Variants in TTLL5 observed in about 807,000 individuals in gnomAD.
The protein encoded by TTLL5 is tubulin tyrosine ligase like 5.
In TTLL5, 132 loss-of-function variants were observed where a neutral mutation model predicts 168.4. The ratio of observed to expected loss-of-function variants is 0.78; its 90% confidence interval spans 0.68 to 0.91. The LOEUF (loss-of-function observed/expected upper bound fraction) is 0.91. Ranked by LOEUF, TTLL5 falls within the 40% of genes least tolerant of loss-of-function variation. The pLI is 0.00. For synonymous variants in TTLL5, 546 were observed against 558.6 expected, an observed-to-expected ratio of 0.98 and a Z score of 0.32; for missense variants, 1,545 against 1,581.5, an observed-to-expected ratio of 0.98 and a Z score of 0.39.
chr14:75,804,700 A>G (rs1893547801), intron 27 of TTLL5, among the ~76,000 whole-genome samples: 1 of 152,206 alleles, frequency 6.6e-6, no homozygotes, highest in East Asian at 1.9e-4. Flanking sequence ...GGAAAGGGTA[A>G]ATAGAAAAAG....
chr14:75,904,316 A>G (rs1269240531), intron 31 of TTLL5: 2 of 961,802 alleles, frequency 2.1e-6, no homozygotes, highest in Non-Finnish European at 2.6e-6. Flanking sequence ...TAATGGCACA[A>G]GGGAATCATG....
At chr14:75,914,027 A>T (rs1289092608) in intron 31 of TTLL5, among the ~76,000 whole-genome samples, 6 of 78,934 alleles carry the variant, frequency 7.6e-5, no homozygotes, top group African/African-American at 7.2e-4. Flanking sequence ...GAAAAAAAAA[A>T]AAAAAAATAT....
At chr14:75,738,716 C>T (rs1401511347) in intron 15 of TTLL5, among the ~76,000 whole-genome samples, 1 of 152,180 alleles carries the variant, frequency 6.6e-6, no homozygotes, top group Non-Finnish European at 1.5e-5. Flanking sequence ...AACTAATGTA[C>T]TGAAAGGAGT....
chr14:75,914,029 A>ATATAT (rs1555356357), intron 31 of TTLL5, among the ~76,000 whole-genome samples: 1 of 78,338 alleles, frequency 1.3e-5, no homozygotes, highest in African/African-American at 1.8e-4. Flanking sequence ...AAAAAAAAAA[A>ATATAT]AAAAATATAT....
At chr14:75,852,838 T>C (rs1792225109) in intron 28 of TTLL5, among the ~76,000 whole-genome samples, 2 of 152,242 alleles carry the variant, frequency 1.3e-5, no homozygotes, top group African/African-American at 2.4e-5. Context: ...TAGCTATCAG[T>C]GTTCCCAGTC....
At chr14:75,697,925 C>T (rs1885984631) in intron 6 of TTLL5, among the ~76,000 whole-genome samples, 1 of 152,200 alleles carries the variant, frequency 6.6e-6, no homozygotes, top group African/African-American at 2.4e-5. Flanking sequence ...GAGATCTGCT[C>T]AGAAACATTT....
intron 27 of TTLL5, among the ~76,000 whole-genome samples, chr14:75,800,425 G>C (rs954474896): frequency 1.3e-5 from 2 of 151,608 alleles, no homozygotes; most frequent in Non-Finnish European, 2.9e-5. Context: ...CCTTTCCCTG[G>C]TGCCTCCTTA....
intron 31 of TTLL5, among the ~76,000 whole-genome samples, chr14:75,920,686 G>T (rs938887440): frequency 6.6e-6 from 1 of 152,210 alleles, no homozygotes; most frequent in African/African-American, 2.4e-5. Context: ...CTTTGCTGTT[G>T]TGAATAGTGC....
intron 31 of TTLL5, among the ~76,000 whole-genome samples, chr14:75,936,637 C>T (rs2140182098): frequency 6.6e-6 from 1 of 152,304 alleles, no homozygotes; most frequent in South Asian, 2.1e-4. Flanking sequence ...ATATATATAA[C>T]TCCCTAAGAA....
At chr14:75,711,506 AAAAAT>A (rs1391231668) in intron 9 of TTLL5, 1 of 152,228 alleles carries the variant, frequency 6.6e-6, no homozygotes, top group Non-Finnish European at 1.5e-5. Flanking sequence ...CTGAAACAGG[AAAAAT>A]AAAAATTTCA....
At chr14:75,758,587 A>G (rs778178649) in intron 18 of TTLL5, among the ~76,000 whole-genome samples, 2 of 152,172 alleles carry the variant, frequency 1.3e-5, no homozygotes, top group Non-Finnish European at 1.5e-5. Flanking sequence ...ATTGCCATCA[A>G]TAGGGATTTT....
chr14:75,738,554 G>A (rs961470096), intron 15 of TTLL5, among the ~76,000 whole-genome samples: 1 of 152,164 alleles, frequency 6.6e-6, no homozygotes, highest in African/African-American at 2.4e-5. Flanking sequence ...TGTAGTATGA[G>A]TTTTGGTGCT....
chr14:75,914,052 A>ATATATATATATATATATATATGTATG, intron 31 of TTLL5, among the ~76,000 whole-genome samples: 1 of 122,382 alleles, frequency 8.2e-6, no homozygotes, highest in East Asian at 2.6e-4. Context: ...ATATATATAT[A>ATATATATATATATATATATATGTATG]TATTTTATCC....
At chr14:75,926,294 CTT>C (rs1301726574) in intron 31 of TTLL5, among the ~76,000 whole-genome samples, 9 of 150,248 alleles carry the variant, frequency 6.0e-5, no homozygotes, top group African/African-American at 9.8e-5. Flanking sequence ...GGTCTTGACT[CTT>C]TATCCAATTT....
chr14:75,745,467 A>T, intron 16 of TTLL5, 23 bp from the exon 17 acceptor site: 2 of 1,612,560 alleles, frequency 1.2e-6, no homozygotes. Flanking sequence ...ATAGGTACTC[A>T]TTTTATCTTA....
At chr14:75,944,779 A>G (rs1341608553) in intron 31 of TTLL5, among the ~76,000 whole-genome samples, 1 of 152,220 alleles carries the variant, frequency 6.6e-6, no homozygotes, top group Non-Finnish European at 1.5e-5. Context: ...CCTTATAGAT[A>G]GGAAAAACCT....
chr14:75,737,589 G>C lies in TTLL5; in HGVS notation c.1281+2300G>C, dbSNP rs1204305686. On this transcript the variant is annotated intron_variant, in intron 15 of 31. Coordinates refer to ENST00000298832, the MANE Select transcript of TTLL5 (RefSeq NM_015072.5). ...AGCGTCCAGTATCTGCACAGTTTCA[G>C]TCGTCAAAGGCCAAGCAGGTAAGTT... is the stretch of plus-strand genomic sequence containing the variant. The C allele has an allele frequency of 6.5e-6, 10 of 1,535,736 alleles. No individual in the cohort carries two copies. The South Asian group carries it at 1.2e-4, about 18-fold the overall frequency.
In TTLL5 at chr14:75,913,133, G is replaced by A. The variant is rs78746426; in HGVS notation, c.3823+10909G>A. Among the ~76,000 whole-genome samples, 923 of 152,266 alleles carry A rather than the reference G, an allele frequency of 6.1e-3. 9 individuals are homozygous for A. The highest frequency in any genetic ancestry group is 0.022 in the African/African-American group (896 of 41,538). ...AGATGCGTCTATTAATATATGCTTG[G>A]GAAAGCAGGTGGCAGAGGTAACATC... On this transcript the variant is annotated intron_variant, in intron 31 of 31. Coordinates refer to ENST00000298832, the MANE Select transcript of TTLL5 (RefSeq NM_015072.5).
chr14:75,918,318 AG>A (rs767571958), intron 31 of TTLL5, among the ~76,000 whole-genome samples: 4 of 152,160 alleles, frequency 2.6e-5, no homozygotes, highest in Non-Finnish European at 5.9e-5. Flanking sequence ...TTGAGGAAGA[AG>A]GGGGGATGGC....
Sources: allele counts gnomAD v4.1 joint callset (sites outside exome capture counted in the v4.1 genomes callset), GRCh38; gene constraint gnomAD v4.1.1; transcripts MANE v1.5; gene names NCBI Gene and HGNC (gene_info 2026-07-23, HGNC 2026-07-21).